RBM19: variants seen among roughly 807,000 people sequenced by gnomAD.
RBM19 encodes the protein RNA binding motif protein 19.
A neutral mutation model predicts 116.8 loss-of-function variants in RBM19; 94 were observed. The ratio of observed to expected loss-of-function variants is 0.80; its 90% CI spans 0.68 to 0.95. The LOEUF (loss-of-function observed/expected upper bound fraction) is 0.95, where lower values mean the gene tolerates loss of function less well. Among genes scored for constraint, RBM19 ranks in the 40% least tolerant of loss-of-function variants. The pLI, the probability that RBM19 is intolerant of heterozygous loss-of-function variation, is 0.00. For missense variants in RBM19, 1,161 were observed against 1,220.7 expected (o/e 0.95, Z 0.73); for synonymous variants, 475 against 494.1 (o/e 0.96, Z 0.51).
chr12:113,857,315 T>G (rs989963750), intron 22 of RBM19, among the ~76,000 whole-genome samples: 18 of 152,158 alleles, frequency 1.2e-4, no homozygotes, highest in African/African-American at 3.4e-4. Flanking sequence ...TGGTATCGAG[T>G]ACCCACCACA....
chr12:113,879,926 T>C (rs1299516368), intron 21 of RBM19, among the ~76,000 whole-genome samples: 1 of 151,924 alleles, frequency 6.6e-6, no homozygotes, highest in Non-Finnish European at 1.5e-5. Context: ...AGGCATTTCT[T>C]CCTGGTGCCT....
chr12:113,945,693 G>A, intron 13 of RBM19, 135 bp downstream of exon 13: 1 of 677,364 alleles, frequency 1.5e-6, no homozygotes, highest in Non-Finnish European at 2.5e-6. Flanking sequence ...CCATTCCAGA[G>A]GCCTCTGGGA....
intron 23 of RBM19, among the ~76,000 whole-genome samples, chr12:113,837,480 T>C (rs1396968740): frequency 6.6e-6 from 1 of 152,230 alleles, no homozygotes; most frequent in African/African-American, 2.4e-5. Context: ...GCACGTGATG[T>C]GCCAGGAGCT....
intron 21 of RBM19, among the ~76,000 whole-genome samples, chr12:113,899,939 G>A (rs540980152): frequency 1.5e-4 from 23 of 152,282 alleles, no homozygotes; most frequent in African/African-American, 5.5e-4. Flanking sequence ...ATGCAGACAG[G>A]GGAGGTGTGA....
At chr12:113,910,285 C>T (rs1023119527) in intron 21 of RBM19, among the ~76,000 whole-genome samples, 16 of 152,208 alleles carry the variant, frequency 1.1e-4, no homozygotes, top group African/African-American at 3.9e-4. Context: ...ACTCTTCATT[C>T]CCACCCTGCA....
chr12:113,838,761 T>C (rs542494422), intron 23 of RBM19, among the ~76,000 whole-genome samples: 1 of 152,222 alleles, frequency 6.6e-6, no homozygotes, highest in Non-Finnish European at 1.5e-5. Context: ...TGTTCTACTA[T>C]GACCTAGGTG....
intron 21 of RBM19, among the ~76,000 whole-genome samples, chr12:113,900,769 G>GA (rs2135824770): frequency 6.6e-6 from 1 of 152,312 alleles, no homozygotes; most frequent in East Asian, 1.9e-4. Flanking sequence ...CTCTTGGCTT[G>GA]AGCAGCAGTA....
At chr12:113,821,588 G>T (rs1874418932), downstream of RBM19, among the ~76,000 whole-genome samples, 1 of 152,092 alleles carries the variant, frequency 6.6e-6, no homozygotes, top group Admixed American at 6.6e-5. Flanking sequence ...GAAGGCTGTG[G>T]TTGATGTGAC....
rs1383631943 is a variant in RBM19 at position 113,825,589 on chromosome 12, C to A, written c.2786-2268G>T. ...TGGGGATGGCAGCTCACTCCTGGGG[C>A]AGGGTCCCTGCCTTCCTGGGCCAGG... is the stretch of plus-strand genomic sequence containing the variant. On this transcript the variant is annotated intron_variant, in intron 23 of 23. Transcript: ENST00000261741. This position sits in a 1 kb window ranked among gnomAD's most constrained non-coding sequence, Gnocchi z 5.7. Among the ~76,000 whole-genome samples, 2 of 152,176 alleles carry A rather than the reference C, an allele frequency of 1.3e-5. No homozygotes were observed. The highest frequency in any genetic ancestry group is 2.9e-5 in the Non-Finnish European group (2 of 68,026).
chr12:113,928,615 T>A (rs1869329016), intron 16 of RBM19, among the ~76,000 whole-genome samples: 1 of 86,644 alleles, frequency 1.2e-5, no homozygotes, highest in South Asian at 4.3e-4. Flanking sequence ...AAGTTGTGAG[T>A]TAGCAAGGGA....
intron 23 of RBM19, 106 bp from the exon 24 acceptor site, chr12:113,823,427 G>A (rs1874594321): frequency 2.2e-6 from 2 of 925,862 alleles, no homozygotes; most frequent in Non-Finnish European, 3.4e-6. Context: ...GAGATGAGCA[G>A]AACAAGGGTG....
At chr12:113,943,936 AC>A (rs1870787288) in intron 13 of RBM19, among the ~76,000 whole-genome samples, 1 of 151,986 alleles carries the variant, frequency 6.6e-6, no homozygotes, top group African/African-American at 2.4e-5. Flanking sequence ...ACCATTTCCA[AC>A]TACACATGTG....
At chr12:113,945,996 C>G in intron 12 of RBM19, 72 bp from the exon 13 acceptor site, 1 of 1,383,678 alleles carries the variant, frequency 7.2e-7, no homozygotes, top group South Asian at 1.2e-5. Context: ...AGACACGAAT[C>G]CTGTAAGAAA....
chr12:113,901,492 T>C lies in RBM19; in HGVS notation c.2558+13477A>G, dbSNP rs140893284. ...GGCCTCTCACTCCATCAGGAATTCC[T>C]TCTTTTATTCATTCATTCATTCATT... On this transcript the variant is annotated intron_variant, in intron 21 of 23. Coordinates refer to ENST00000261741, the MANE Select transcript of RBM19 (RefSeq NM_016196.4). 3.0e-3 allele frequency among the ~76,000 whole-genome samples: 454 copies of C among 151,658 alleles called. 5 individuals carry two copies. The highest frequency in any genetic ancestry group is 0.011 in the African/African-American group (439 of 41,436).
At position 113,867,271 on chromosome 12, in the gene RBM19, C is replaced by T. The variant is rs760835899; in HGVS notation, c.2559-8375G>A. Among the ~76,000 whole-genome samples the T allele has an allele frequency of 5.9e-5, 9 of 152,214 alleles. No homozygotes were observed. The South Asian group carries it at 6.2e-4, about 11-fold the overall frequency. ...TTAATGAATGAATTGAATCATCCCT[C>T]GCCAATCTCCAGCACCGAAATCACA... On this transcript the variant is annotated intron_variant, in intron 21 of 23. Transcript: ENST00000261741.
intron 21 of RBM19, among the ~76,000 whole-genome samples, chr12:113,892,767 C>T (rs1395430119): frequency 6.6e-6 from 1 of 152,124 alleles, no homozygotes; most frequent in African/African-American, 2.4e-5. Flanking sequence ...AAACACCCTC[C>T]TCGCCCTCCC....
At chr12:113,824,356 G>C (rs780441505) in intron 23 of RBM19, among the ~76,000 whole-genome samples, 69 of 152,228 alleles carry the variant, frequency 4.5e-4, no homozygotes, top group Non-Finnish European at 8.2e-4. Context: ...GGGGATCAAT[G>C]GTGGCAGGAG....
At chr12:113,916,598 G>A (rs1436711889) in intron 20 of RBM19, among the ~76,000 whole-genome samples, 1 of 152,156 alleles carries the variant, frequency 6.6e-6, no homozygotes, top group Non-Finnish European at 1.5e-5. Flanking sequence ...CTAAGACTAG[G>A]TTGTAGAAGA....
chr12:113,829,830 G>T (rs982731392), intron 23 of RBM19, among the ~76,000 whole-genome samples: 2 of 152,188 alleles, frequency 1.3e-5, no homozygotes, highest in East Asian at 3.9e-4. Context: ...ACAATCAAAG[G>T]GTCCTGTGAG....
Sources: allele counts gnomAD v4.1 joint callset (sites outside exome capture counted in the v4.1 genomes callset), GRCh38; gene constraint gnomAD v4.1.1; non-coding constraint Gnocchi (gnomAD v3.1); transcripts MANE v1.5; gene names NCBI Gene and HGNC (gene_info 2026-07-23, HGNC 2026-07-21).